Variants in SCHIP1 observed in about 807,000 individuals in gnomAD.
SCHIP1 encodes schwannomin-interacting protein 1.
Under a neutral mutation model 29.7 loss-of-function variants are expected in SCHIP1, and 8 were observed. The ratio of observed to expected loss-of-function variants is 0.27; its 90% CI spans 0.16 to 0.49. The LOEUF (loss-of-function observed/expected upper bound fraction) is 0.49, where lower values mean the gene tolerates loss of function less well. SCHIP1 is among the 20% of genes least tolerant of loss of function. The pLI, the probability that SCHIP1 is intolerant of heterozygous loss-of-function variation, is 0.99. For synonymous variants in SCHIP1, 76 were observed against 94.9 expected, an observed-to-expected ratio of 0.80 and a Z score of 1.16; for missense variants, 193 against 294.6, an observed-to-expected ratio of 0.66 and a Z score of 2.52.
chr3:159,791,123 T>G, the SCHIP1 span, among the ~76,000 whole-genome samples: 1 of 152,088 alleles, frequency 6.6e-6, no homozygotes, highest in Non-Finnish European at 1.5e-5. Flanking sequence ...TGGAACTTCC[T>G]CAAAGGAATA....
At chr3:159,856,251 C>A (rs936161461) in intron 1 of SCHIP1, among the ~76,000 whole-genome samples, 2 of 152,150 alleles carry the variant, frequency 1.3e-5, no homozygotes, top group Non-Finnish European at 2.9e-5. Context: ...CTGTGCATGG[C>A]TCTAGGATCA....
At chr3:159,459,876 G>A in the SCHIP1 span, among the ~76,000 whole-genome samples, 1 of 152,120 alleles carries the variant, frequency 6.6e-6, no homozygotes, top group Non-Finnish European at 1.5e-5. Flanking sequence ...GACACAGGGA[G>A]AAAAGGAACA....
the SCHIP1 span, among the ~76,000 whole-genome samples, chr3:159,823,812 T>C: frequency 6.6e-6 from 1 of 152,222 alleles, no homozygotes; most frequent in Middle Eastern, 3.2e-3. Flanking sequence ...TGGTTTAATG[T>C]TCTGCTGTTA....
the SCHIP1 span, among the ~76,000 whole-genome samples, chr3:159,636,078 C>T: frequency 6.6e-6 from 1 of 152,078 alleles, no homozygotes; most frequent in African/African-American, 2.4e-5. Context: ...AGACAGAGTC[C>T]TGCTCTGCTG....
At chr3:159,382,420 T>C in the SCHIP1 span, among the ~76,000 whole-genome samples, 122,053 of 150,266 alleles carry the variant, frequency 0.81, 49,835 homozygotes, top group African/African-American at 0.85. Context: ...ATCCATGTCC[T>C]TACAAAGGAC....
the SCHIP1 span, among the ~76,000 whole-genome samples, chr3:159,735,740 A>G: frequency 1.3e-5 from 2 of 152,102 alleles, no homozygotes; most frequent in African/African-American, 4.8e-5. Context: ...TTCCACTGGA[A>G]GTTCACATCC....
chr3:159,810,103 T>A, the SCHIP1 span, among the ~76,000 whole-genome samples: 2 of 152,228 alleles, frequency 1.3e-5, no homozygotes, highest in Admixed American at 1.3e-4. Context: ...TGGAGTGCAG[T>A]GGCGTGATCT....
the SCHIP1 span, among the ~76,000 whole-genome samples, chr3:159,600,620 C>T: frequency 1.3e-5 from 2 of 152,028 alleles, no homozygotes; most frequent in Non-Finnish European, 1.5e-5. Context: ...TCTTTTGTAT[C>T]TCACTAAGCT....
At chr3:159,881,697 C>T (rs917524973) in intron 2 of SCHIP1, among the ~76,000 whole-genome samples, 4 of 152,210 alleles carry the variant, frequency 2.6e-5, no homozygotes, top group African/African-American at 9.6e-5. Context: ...CCTCTTGCTT[C>T]GTGACCCTGT....
At chr3:159,704,417 T>TAAAAAAAAAAAAAAAAAAAAAAA in the SCHIP1 span, among the ~76,000 whole-genome samples, 6 of 92,640 alleles carry the variant, frequency 6.5e-5, no homozygotes, top group African/African-American at 2.5e-4. Flanking sequence ...CAATTTTTTC[T>TAAAAAAAAAAAAAAAAAAAAAAA]AAAAAAAAAA....
At chr3:159,827,678 G>A in the SCHIP1 span, among the ~76,000 whole-genome samples, 1 of 151,946 alleles carries the variant, frequency 6.6e-6, no homozygotes, top group Non-Finnish European at 1.5e-5. Context: ...GGTGGCGGGC[G>A]CCTGTAGTCC....
At chr3:159,780,129 C>T in the SCHIP1 span, among the ~76,000 whole-genome samples, 4 of 152,158 alleles carry the variant, frequency 2.6e-5, no homozygotes, top group Non-Finnish European at 5.9e-5. Context: ...AGCTCCAGTT[C>T]CTTCTCCTCC....
At chr3:159,499,797 T>C in the SCHIP1 span, among the ~76,000 whole-genome samples, 1 of 152,240 alleles carries the variant, frequency 6.6e-6, no homozygotes. Flanking sequence ...ACTATCACCA[T>C]ACCCCAATCA....
chr3:159,720,177 A>G, the SCHIP1 span, among the ~76,000 whole-genome samples: 5 of 139,052 alleles, frequency 3.6e-5, no homozygotes, highest in South Asian at 6.8e-4. Context: ...GAATTGAACA[A>G]TGAGAACTCT....
At chr3:159,786,173 T>C in the SCHIP1 span, among the ~76,000 whole-genome samples, 1 of 152,208 alleles carries the variant, frequency 6.6e-6, no homozygotes, top group Non-Finnish European at 1.5e-5. Context: ...AACAGCTGTT[T>C]GTAGTGCCAT....
chr3:159,769,884 G>C, the SCHIP1 span, among the ~76,000 whole-genome samples: 152 of 152,348 alleles, frequency 1.0e-3, no homozygotes, highest in African/African-American at 3.4e-3. Context: ...TGACACACCT[G>C]TGAAACCATC....
the SCHIP1 span, among the ~76,000 whole-genome samples, chr3:159,618,621 A>G: frequency 1.3e-5 from 2 of 152,216 alleles, no homozygotes; most frequent in Non-Finnish European, 2.9e-5. Flanking sequence ...TAGTCCTTCT[A>G]CCAACTTTCC....
At chr3:159,574,131 C>G in the SCHIP1 span, among the ~76,000 whole-genome samples, 3 of 152,244 alleles carry the variant, frequency 2.0e-5, no homozygotes, top group African/African-American at 7.2e-5. Context: ...CAAAGTCATT[C>G]TCCATCCAGC....
the SCHIP1 span, among the ~76,000 whole-genome samples, chr3:159,403,989 G>A: frequency 6.6e-6 from 1 of 152,158 alleles, no homozygotes; most frequent in African/African-American, 2.4e-5. Flanking sequence ...TTCATTCCAG[G>A]TCCTAGTTCC....
Sources: gnomAD v4.1 joint callset for allele counts (sites outside exome capture counted in the v4.1 genomes callset) on GRCh38, gnomAD v4.1.1 for gene constraint, MANE v1.5 for transcripts, NCBI Gene and HGNC (gene_info 2026-07-23, HGNC 2026-07-21) for gene names.